Variants in OSGIN2 observed in about 807,000 individuals in gnomAD.
OSGIN2 encodes the protein oxidative stress-induced growth inhibitor 2.
In OSGIN2, 19 loss-of-function variants were observed where a neutral mutation model predicts 53.8. The observed-to-expected ratio is 0.35, with a 90% CI of 0.25 to 0.52. The LOEUF is 0.52. Among genes scored for constraint, OSGIN2 ranks in the 20% least tolerant of loss-of-function variants. OSGIN2 has a pLI of 0.95. For missense variants in OSGIN2, 520 were observed against 662.7 expected (o/e 0.78, Z 2.36); for synonymous variants, 236 against 236.0 (o/e 1.00, Z 0.00).
At chr8:89,906,389 A>G (rs565553554) in intron 1 of OSGIN2, among the ~76,000 whole-genome samples, 2 of 152,184 alleles carry the variant, frequency 1.3e-5, no homozygotes, top group Non-Finnish European at 2.9e-5. Context: ...TGGGTTGAAC[A>G]AACTTGCATT....
intron 2 of OSGIN2, among the ~76,000 whole-genome samples, chr8:89,911,923 G>A (rs1268248724): frequency 2.8e-5 from 4 of 145,292 alleles, no homozygotes; most frequent in African/African-American, 1.1e-4. Flanking sequence ...GGGCGACAGA[G>A]CGAGACTCCG....
chr8:89,923,059 G>C (rs1156438282), intron 5 of OSGIN2, among the ~76,000 whole-genome samples: 1 of 152,198 alleles, frequency 6.6e-6, no homozygotes, highest in Non-Finnish European at 1.5e-5. Flanking sequence ...CATGAATGGA[G>C]CTTGGAGGGC....
intron 4 of OSGIN2, among the ~76,000 whole-genome samples, chr8:89,916,374 C>G (rs1438959759): frequency 2.0e-5 from 3 of 152,260 alleles, no homozygotes; most frequent in Admixed American, 6.5e-5. Context: ...CATGTATTCA[C>G]TAAAATAGGG....
chr8:89,924,405 G>A, intron 5 of OSGIN2, 98 bp from the exon 6 acceptor site: 1 of 845,094 alleles, frequency 1.2e-6, no homozygotes, highest in Admixed American at 2.5e-5. Context: ...CAGTCCAGCA[G>A]AATTAAAAAG....
Position 89,926,657 on chromosome 8 carries a change from ACTGT to A in OSGIN2, c.*1130_*1133del, listed in dbSNP as rs963925962. ...CTGTTCTAATTATATAAGTGTGTTT[ACTGT>A]CTGTGTTTTCACACAAACTGCTAGA... On this transcript the variant is annotated 3_prime_UTR_variant, in exon 6 of 6. Coordinates refer to ENST00000451899, the MANE Select transcript of OSGIN2 (RefSeq NM_001126111.3). 11 of 152,246 alleles carry A rather than the reference ACTGT, an allele frequency of 7.2e-5. 1 individual carries two copies. Among genetic ancestry groups the A allele is most frequent in the African/African-American group, 2.2e-4 (9 of 41,468 alleles). 9.4% of individuals were successfully genotyped at this position (152,246 alleles called of 1,614,324 possible).
At chr8:89,907,615 A>G (rs2735378) in intron 1 of OSGIN2, among the ~76,000 whole-genome samples, 27,189 of 151,976 alleles carry the variant, frequency 0.18, 3,021 homozygotes, top group East Asian at 0.26. Context: ...CCATTGGTCT[A>G]TGTGTCTGTT....
rs551339732 is a variant in OSGIN2, at chr8:89,925,850, T to G, written c.*318T>G. On this transcript the variant is annotated 3_prime_UTR_variant, in exon 6 of 6. Coordinates refer to ENST00000451899, the MANE Select transcript of OSGIN2 (RefSeq NM_001126111.3). ...TTATTTATTATACTTGATTCCAAAA[T>G]AGTACAGCCTTGAATCTATAAAACT... The G allele has an allele frequency of 2.0e-5, 5 of 255,934 alleles. No homozygotes were observed. In the East Asian group the frequency reaches 3.3e-4, roughly 17 times the overall value. The allele number at this position is 255,934 out of a possible 1,614,324, so 15.9% of individuals were successfully genotyped here.
At chr8:89,908,077 C>A (rs925681301) in intron 1 of OSGIN2, among the ~76,000 whole-genome samples, 2 of 151,984 alleles carry the variant, frequency 1.3e-5, no homozygotes, top group Non-Finnish European at 2.9e-5. Context: ...TGGAGAAATA[C>A]CAGGGACAGA....
chr8:89,919,320 C>T (rs891054790), intron 4 of OSGIN2, among the ~76,000 whole-genome samples: 1 of 152,150 alleles, frequency 6.6e-6, no homozygotes, highest in Non-Finnish European at 1.5e-5. Flanking sequence ...GTTCACAGGG[C>T]AAAGTCCAGG....
At chr8:89,903,909 T>C (rs1181261178) in intron 1 of OSGIN2, among the ~76,000 whole-genome samples, 2 of 152,200 alleles carry the variant, frequency 1.3e-5, no homozygotes, top group African/African-American at 4.8e-5. Context: ...TTTAATAGAA[T>C]TAGTTTTCTT....
chr8:89,916,559 G>T (rs1025710617), intron 4 of OSGIN2, among the ~76,000 whole-genome samples: 6 of 152,052 alleles, frequency 3.9e-5, no homozygotes, highest in African/African-American at 1.2e-4. Flanking sequence ...TATGGTTTAT[G>T]TACATCCTAA....
chr8:89,903,012 C>A (rs1428591299), intron 1 of OSGIN2, among the ~76,000 whole-genome samples, 175 bp downstream of exon 1: 1 of 152,130 alleles, frequency 6.6e-6, no homozygotes, highest in African/African-American at 2.4e-5. Flanking sequence ...GTGGTGGGGT[C>A]CTTGCTCCGG....
At chr8:89,904,839 C>T (rs1466477704) in intron 1 of OSGIN2, among the ~76,000 whole-genome samples, 1 of 152,102 alleles carries the variant, frequency 6.6e-6, no homozygotes, top group African/African-American at 2.4e-5. Flanking sequence ...CAAAAAAACA[C>T]AGATTATAAA....
chr8:89,921,858 A>G (rs749135537), intron 5 of OSGIN2, among the ~76,000 whole-genome samples: 1 of 152,116 alleles, frequency 6.6e-6, no homozygotes, highest in Admixed American at 6.5e-5. Context: ...GCATGCCTGT[A>G]ATCCCAGCTA....
At chr8:89,919,948 AAGAT>A (rs1392623316) in intron 4 of OSGIN2, among the ~76,000 whole-genome samples, 6 of 152,226 alleles carry the variant, frequency 3.9e-5, no homozygotes, top group East Asian at 1.9e-4. Context: ...GGAAAAAAGA[AAGAT>A]AGGAGAAAAA....
chr8:89,921,674 TA>T (rs200866609), intron 5 of OSGIN2, among the ~76,000 whole-genome samples: 6 of 151,134 alleles, frequency 4.0e-5, no homozygotes, highest in Admixed American at 6.6e-5. Context: ...ACATATTTAA[TA>T]AAAAAAAATA....
intron 2 of OSGIN2, among the ~76,000 whole-genome samples, chr8:89,913,485 A>T (rs536741633): frequency 6.6e-6 from 1 of 152,312 alleles, no homozygotes; most frequent in African/African-American, 2.4e-5. Flanking sequence ...GGATTATGTT[A>T]CCAAAACTTA....
intron 1 of OSGIN2, among the ~76,000 whole-genome samples, chr8:89,906,105 G>A (rs1808833633): frequency 6.6e-6 from 1 of 152,152 alleles, no homozygotes; most frequent in African/African-American, 2.4e-5. Context: ...TTAAGTACAG[G>A]GATGCAAGTT....
At chr8:89,914,262 A>G in intron 3 of OSGIN2, 49 bp downstream of exon 3, 1 of 1,378,784 alleles carries the variant, frequency 7.3e-7, no homozygotes, top group Middle Eastern at 2.2e-4. Context: ...TGCTGAAACA[A>G]GATTAGTTTT....
Sources: allele counts gnomAD v4.1 joint callset (sites outside exome capture counted in the v4.1 genomes callset), GRCh38; gene constraint gnomAD v4.1.1; transcripts MANE v1.5; gene names NCBI Gene and HGNC (gene_info 2026-07-23, HGNC 2026-07-21).